Variants in GSK3B observed in about 807,000 individuals in gnomAD.
The protein encoded by GSK3B is glycogen synthase kinase 3 beta.
GSK3B carries 15 observed loss-of-function variants against 56.4 expected under a neutral mutation model. The ratio of observed to expected loss-of-function variants is 0.27; its 90% confidence interval spans 0.18 to 0.41. The LOEUF is 0.41. GSK3B is among the 10% of genes least tolerant of loss of function. GSK3B has a pLI of 1.00. For synonymous variants in GSK3B, 181 were observed against 188.9 expected, an observed-to-expected ratio of 0.96 and a Z score of 0.34; for missense variants, 300 against 513.4, an observed-to-expected ratio of 0.58 and a Z score of 4.02.
intron 1 of GSK3B, among the ~76,000 whole-genome samples, chr3:120,091,815 A>G (rs1344337822): frequency 1.3e-5 from 2 of 150,558 alleles, no homozygotes; most frequent in Non-Finnish European, 3.0e-5. Context: ...CTCTACTTGC[A>G]AGCCACAAGA....
intron 1 of GSK3B, among the ~76,000 whole-genome samples, chr3:120,077,969 T>C (rs1364126674): frequency 6.6e-6 from 1 of 152,140 alleles, no homozygotes; most frequent in Non-Finnish European, 1.5e-5. Flanking sequence ...ACTCATTAAA[T>C]GGGGCAAATA....
At chr3:119,871,146 T>A (rs1425132011) in intron 8 of GSK3B, among the ~76,000 whole-genome samples, 1 of 152,224 alleles carries the variant, frequency 6.6e-6, no homozygotes, top group Non-Finnish European at 1.5e-5. Context: ...GTGGGGCTTT[T>A]TGGTTCAGCT....
At chr3:119,961,097 C>A (rs1216376300) in intron 2 of GSK3B, among the ~76,000 whole-genome samples, 2 of 152,030 alleles carry the variant, frequency 1.3e-5, no homozygotes, top group African/African-American at 2.4e-5. Flanking sequence ...CGAGCCCCCA[C>A]CCCTCAAAAC....
At chr3:119,949,067 T>C (rs57027844) in intron 2 of GSK3B, among the ~76,000 whole-genome samples, 1 of 152,168 alleles carries the variant, frequency 6.6e-6, no homozygotes, top group African/African-American at 2.4e-5. Flanking sequence ...AAATCAATAC[T>C]CATTCCTCTC....
chr3:119,829,399 C>T (rs1174746671), intron 10 of GSK3B, among the ~76,000 whole-genome samples: 4 of 152,150 alleles, frequency 2.6e-5, no homozygotes, highest in Non-Finnish European at 5.9e-5. Flanking sequence ...GGGAAGATAA[C>T]AGGTAGAACT....
At chr3:120,092,559 C>T (rs1425157365) in intron 1 of GSK3B, among the ~76,000 whole-genome samples, 1 of 152,202 alleles carries the variant, frequency 6.6e-6, no homozygotes, top group Middle Eastern at 3.2e-3. Flanking sequence ...AAACAAATCT[C>T]AATCAAAACT....
chr3:119,853,814 T>C (rs2055975590), intron 9 of GSK3B, among the ~76,000 whole-genome samples: 1 of 152,190 alleles, frequency 6.6e-6, no homozygotes, highest in Non-Finnish European at 1.5e-5. Context: ...CTTAAGGAGA[T>C]TTTGGGCTGA....
intron 1 of GSK3B, among the ~76,000 whole-genome samples, chr3:120,066,749 A>G (rs1321297127): frequency 6.6e-6 from 1 of 152,218 alleles, no homozygotes; most frequent in Non-Finnish European, 1.5e-5. Context: ...CAGGACACAC[A>G]GTCTGTCTTA....
At chr3:119,832,911 T>C in intron 10 of GSK3B, 1 of 808,610 alleles carries the variant, frequency 1.2e-6, no homozygotes, top group Non-Finnish European at 1.5e-6. Flanking sequence ...ATATCTGGTA[T>C]CATAATTTCT....
chr3:120,065,870 A>G (rs1468912063), intron 1 of GSK3B, among the ~76,000 whole-genome samples: 1 of 152,220 alleles, frequency 6.6e-6, no homozygotes, highest in Non-Finnish European at 1.5e-5. Context: ...CACATAAAGT[A>G]TGATTCCATT....
intron 9 of GSK3B, among the ~76,000 whole-genome samples, chr3:119,858,643 A>T (rs1279113571): frequency 1.3e-5 from 2 of 152,152 alleles, no homozygotes; most frequent in African/African-American, 4.8e-5. Flanking sequence ...ATTTCCTTTG[A>T]CAACTTTTTC....
At chr3:120,049,720 CAGA>C (rs1553751335) in intron 1 of GSK3B, among the ~76,000 whole-genome samples, 4 of 152,122 alleles carry the variant, frequency 2.6e-5, no homozygotes, top group Non-Finnish European at 5.9e-5. Context: ...TGGGGTAGGA[CAGA>C]AGAATAGACA....
intron 5 of GSK3B, 58 bp downstream of exon 5, chr3:119,915,986 A>G: frequency 8.2e-7 from 1 of 1,213,642 alleles, no homozygotes; most frequent in Non-Finnish European, 1.2e-6. Flanking sequence ...TATTTAAAAG[A>G]AGATAGTAGG....
chr3:119,909,531 C>G (rs1460831921), intron 6 of GSK3B, among the ~76,000 whole-genome samples: 2 of 152,226 alleles, frequency 1.3e-5, no homozygotes, highest in Admixed American at 1.3e-4. Context: ...TCTGTTCACT[C>G]CTGGCTAGTG....
chr3:120,057,376 T>C (rs1427900768), intron 1 of GSK3B, among the ~76,000 whole-genome samples: 2 of 152,240 alleles, frequency 1.3e-5, no homozygotes, highest in East Asian at 3.9e-4. Context: ...ATCTTTAAAG[T>C]ATACATACTC....
chr3:119,887,387 G>A (rs757275435), intron 7 of GSK3B, among the ~76,000 whole-genome samples: 1 of 152,024 alleles, frequency 6.6e-6, no homozygotes, highest in Non-Finnish European at 1.5e-5. Context: ...AGAAATGACA[G>A]AGAAGACAGA....
intron 6 of GSK3B, among the ~76,000 whole-genome samples, chr3:119,909,144 A>G (rs1351136341): frequency 3.9e-5 from 6 of 151,978 alleles, no homozygotes; most frequent in Non-Finnish European, 8.8e-5. Flanking sequence ...TCATCCTCCC[A>G]AGTAGCGGGG....
chr3:120,019,189 C>CA (rs943084594), intron 1 of GSK3B, among the ~76,000 whole-genome samples: 5 of 151,838 alleles, frequency 3.3e-5, no homozygotes, highest in African/African-American at 1.2e-4. Flanking sequence ...TTTAATACAT[C>CA]AAAAAACACT....
chr3:119,957,128 G>C (rs568316116), intron 2 of GSK3B, among the ~76,000 whole-genome samples: 2 of 152,290 alleles, frequency 1.3e-5, no homozygotes, highest in Non-Finnish European at 2.9e-5. Flanking sequence ...CATATACATA[G>C]TGGACTTTCT....
Sources: gnomAD v4.1 joint callset for allele counts (sites outside exome capture counted in the v4.1 genomes callset) on GRCh38, gnomAD v4.1.1 for gene constraint, MANE v1.5 for transcripts, NCBI Gene and HGNC (gene_info 2026-07-23, HGNC 2026-07-21) for gene names.